CCDC170: variants seen among roughly 807,000 people sequenced by gnomAD.
CCDC170 encodes coiled-coil domain-containing protein 170.
CCDC170 carries 69 observed loss-of-function variants against 72.6 expected under a neutral mutation model. The ratio of observed to expected loss-of-function variants is 0.95; its 90% CI spans 0.78 to 1.16. The LOEUF is 1.16. Among genes scored for constraint, CCDC170 ranks in the 50% most tolerant of loss-of-function variants. CCDC170 has a pLI of 0.00. For synonymous variants in CCDC170, 300 were observed against 303.9 expected (o/e 0.99, Z 0.13); for missense variants, 852 against 832.5 (o/e 1.02, Z -0.29).
intron 1 of CCDC170, among the ~76,000 whole-genome samples, chr6:151,523,622 G>T (rs1583008678): frequency 6.6e-6 from 1 of 151,604 alleles, no homozygotes. Context: ...GGAGGTGGAG[G>T]TTGCAGTGAG....
intron 1 of CCDC170, among the ~76,000 whole-genome samples, chr6:151,516,873 C>CT (rs1173970110): frequency 1.3e-5 from 2 of 152,216 alleles, no homozygotes; most frequent in African/African-American, 2.4e-5. Flanking sequence ...GCCATATTGT[C>CT]TTTTCCTTAC....
intron 7 of CCDC170, among the ~76,000 whole-genome samples, chr6:151,589,581 G>A (rs1473150367): frequency 1.3e-5 from 2 of 151,694 alleles, no homozygotes; most frequent in Non-Finnish European, 2.9e-5. Context: ...TCTATATCCA[G>A]CAGCTGTGCT....
At chr6:151,606,236 C>T (rs899686458) in intron 9 of CCDC170, among the ~76,000 whole-genome samples, 1 of 152,132 alleles carries the variant, frequency 6.6e-6, no homozygotes, top group African/African-American at 2.4e-5. Flanking sequence ...ACCTTTTTAT[C>T]ATTTTGATGT....
intron 3 of CCDC170, among the ~76,000 whole-genome samples, chr6:151,542,637 T>C (rs1267347590): frequency 6.6e-6 from 1 of 152,244 alleles, no homozygotes; most frequent in Non-Finnish European, 1.5e-5. Context: ...AAAATTACTA[T>C]AAACCAAGTT....
At chr6:151,503,909 A>G (rs899982455) in intron 1 of CCDC170, among the ~76,000 whole-genome samples, 5 of 152,340 alleles carry the variant, frequency 3.3e-5, no homozygotes, top group Admixed American at 2.0e-4. Context: ...ACCTTGTGCC[A>G]GAAGACAAAA....
chr6:151,499,367 C>T (rs1021402512), intron 1 of CCDC170, among the ~76,000 whole-genome samples: 12 of 131,232 alleles, frequency 9.1e-5, no homozygotes, highest in South Asian at 2.5e-4. Flanking sequence ...CTTCTAGGCA[C>T]GCTGTATAAG....
intron 9 of CCDC170, among the ~76,000 whole-genome samples, chr6:151,608,320 T>C (rs1441354820): frequency 6.6e-6 from 1 of 152,216 alleles, no homozygotes; most frequent in African/African-American, 2.4e-5. Flanking sequence ...GAGGTCCTTT[T>C]CTTTGGGATT....
intron 1 of CCDC170, among the ~76,000 whole-genome samples, chr6:151,508,692 G>A (rs781238377): frequency 4.7e-5 from 7 of 150,272 alleles, no homozygotes; most frequent in Non-Finnish European, 1.0e-4. Context: ...CAGCCTGGGT[G>A]ACAGAGTGAG....
At chr6:151,494,778 C>T (rs994418129) in intron 1 of CCDC170, among the ~76,000 whole-genome samples, 8 of 151,670 alleles carry the variant, frequency 5.3e-5, no homozygotes, top group African/African-American at 1.9e-4. Context: ...CTCGTGCACA[C>T]ACGCGAACAG....
chr6:151,509,990 G>A (rs1004035340), intron 1 of CCDC170, among the ~76,000 whole-genome samples: 1 of 152,198 alleles, frequency 6.6e-6, no homozygotes, highest in Non-Finnish European at 1.5e-5. Context: ...AGGCATGGTG[G>A]TGCGCGCCTG....
chr6:151,572,464 T>C (rs934624432), intron 5 of CCDC170, among the ~76,000 whole-genome samples: 1 of 152,102 alleles, frequency 6.6e-6, no homozygotes, highest in African/African-American at 2.4e-5. Flanking sequence ...TAAATTTCCG[T>C]ATACACCAAG....
chr6:151,494,115 G>C lies in CCDC170; in HGVS notation c.-14G>C. 2.7e-6 allele frequency: 4 copies of C among 1,496,410 alleles called. No individual in the cohort carries two copies. Among genetic ancestry groups the C allele is most frequent in the Non-Finnish European group, 3.5e-6 (4 of 1,130,048 alleles). 92.7% of individuals were successfully genotyped at this position (1,496,410 alleles called of 1,614,324 possible). ...CGGTTCCGGGTCCGAGCGCGCCCCC[G>C]GGCTCGGGTCGTCATGAGCCTGGAC... On this transcript the variant is annotated 5_prime_UTR_variant, in exon 1 of 11. Coordinates refer to ENST00000239374, the MANE Select transcript of CCDC170 (RefSeq NM_025059.4).
At chr6:151,495,658 G>T (rs1324576383) in intron 1 of CCDC170, among the ~76,000 whole-genome samples, 1 of 152,028 alleles carries the variant, frequency 6.6e-6, no homozygotes, top group Non-Finnish European at 1.5e-5. Context: ...ATGATGCCTG[G>T]ATAATTTTTG....
intron 5 of CCDC170, among the ~76,000 whole-genome samples, chr6:151,569,887 T>C (rs12205762): frequency 0.096 from 14,586 of 152,230 alleles, 720 homozygotes; most frequent in Non-Finnish European, 0.11. Flanking sequence ...TAGGGTTCAC[T>C]GAGCTGAATG....
At chr6:151,502,100 T>C (rs1782002043) in intron 1 of CCDC170, among the ~76,000 whole-genome samples, 1 of 152,168 alleles carries the variant, frequency 6.6e-6, no homozygotes, top group South Asian at 2.1e-4. Flanking sequence ...CATGTTCAGA[T>C]ATTGCTCATA....
intron 7 of CCDC170, among the ~76,000 whole-genome samples, chr6:151,589,328 T>C (rs1039418450): frequency 6.6e-6 from 1 of 152,092 alleles, no homozygotes; most frequent in Non-Finnish European, 1.5e-5. Context: ...CACCTGAGTA[T>C]GGTAATGTAA....
intron 1 of CCDC170, among the ~76,000 whole-genome samples, chr6:151,527,514 G>A (rs1335323447): frequency 3.3e-5 from 5 of 152,144 alleles, no homozygotes; most frequent in Admixed American, 1.3e-4. Flanking sequence ...TTGACAGGAT[G>A]AATGATAACA....
chr6:151,526,902 T>C (rs936047268), intron 1 of CCDC170, among the ~76,000 whole-genome samples: 8 of 151,978 alleles, frequency 5.3e-5, no homozygotes, highest in African/African-American at 1.5e-4. Flanking sequence ...AGAATTTTTT[T>C]TGAGACAGGG....
chr6:151,499,421 T>C (rs1283521411), intron 1 of CCDC170, among the ~76,000 whole-genome samples: 3 of 148,476 alleles, frequency 2.0e-5, no homozygotes, highest in Non-Finnish European at 4.4e-5. Flanking sequence ...GCTGTATAAG[T>C]GGAATCAGAC....
Sources: allele counts gnomAD v4.1 joint callset (sites outside exome capture counted in the v4.1 genomes callset), GRCh38; gene constraint gnomAD v4.1.1; transcripts MANE v1.5; gene names NCBI Gene and HGNC (gene_info 2026-07-23, HGNC 2026-07-21).